The following TNKS variants were observed in gnomAD, a reference collection of about 807,000 sequenced individuals.
TNKS encodes the protein poly [ADP-ribose] polymerase tankyrase-1.
TNKS carries 72 observed loss-of-function variants against 135.8 expected under a neutral mutation model. The ratio of observed to expected loss-of-function variants is 0.53; its 90% CI spans 0.44 to 0.64. The LOEUF (loss-of-function observed/expected upper bound fraction) is 0.64, where lower values mean the gene tolerates loss of function less well. TNKS is among the 30% of genes least tolerant of loss of function. The pLI is 0.00. For missense variants in TNKS, 1,769 were observed against 1,674.0 expected (o/e 1.06, Z -0.99); for synonymous variants, 849 against 649.3 (o/e 1.31, Z -4.68).
At chr8:9,615,458 T>C in intron 2 of TNKS, 124 bp from the exon 3 acceptor site, 1 of 708,018 alleles carries the variant, frequency 1.4e-6, no homozygotes, top group Non-Finnish European at 2.1e-6. Flanking sequence ...TTTCTTTTTT[T>C]TTCTTGAAAG....
intron 3 of TNKS, among the ~76,000 whole-genome samples, chr8:9,644,963 T>C (rs1226228936): frequency 6.6e-6 from 1 of 152,204 alleles, no homozygotes; most frequent in African/African-American, 2.4e-5. Context: ...GTAAGTCTTC[T>C]GAGCATGTAA....
chr8:9,696,119 G>A (rs1803504953), intron 5 of TNKS, among the ~76,000 whole-genome samples: 1 of 152,172 alleles, frequency 6.6e-6, no homozygotes. Flanking sequence ...TAACTGGGGA[G>A]TTGTCAGTTC....
chr8:9,680,818 C>A lies in TNKS; in HGVS notation c.1107+18C>A. 1 of 1,600,926 alleles carries A rather than the reference C, an allele frequency of 6.2e-7. No homozygotes were observed. Among genetic ancestry groups the A allele is most frequent in the Non-Finnish European group, 8.6e-7 (1 of 1,169,316 alleles). On this transcript the variant is annotated intron_variant, in intron 5 of 26. Transcript: ENST00000310430. ...GGCGAAAGGTAAGTTATTTTAAATA[C>A]AATCCTCTTTAATTGCAATGCTTCA...
chr8:9,556,890 C>A, intron 1 of TNKS: 2 of 545,970 alleles, frequency 3.7e-6, no homozygotes, highest in South Asian at 5.6e-5. Context: ...GATATATTTA[C>A]ACTTTAGTTT....
intron 3 of TNKS, among the ~76,000 whole-genome samples, chr8:9,620,305 G>C (rs189596655): frequency 6.6e-6 from 1 of 152,024 alleles, no homozygotes; most frequent in Non-Finnish European, 1.5e-5. Context: ...CAGGTCTACC[G>C]TACTTTCAAA....
At chr8:9,741,621 T>TTAA (rs1805964000) in intron 17 of TNKS, 1 of 459,758 alleles carries the variant, frequency 2.2e-6, no homozygotes. Context: ...TAAAGGAAAG[T>TTAA]TAATTTATAA....
At chr8:9,594,801 A>C (rs1440983692) in intron 2 of TNKS, among the ~76,000 whole-genome samples, 2 of 152,166 alleles carry the variant, frequency 1.3e-5, no homozygotes, top group African/African-American at 4.8e-5. Context: ...TATATGTATA[A>C]ATCTTAATTG....
intron 3 of TNKS, among the ~76,000 whole-genome samples, chr8:9,661,835 A>G (rs1014643931): frequency 5.9e-5 from 9 of 152,222 alleles, no homozygotes; most frequent in African/African-American, 2.2e-4. Context: ...CAACCTACTC[A>G]TCTGACAAAG....
In TNKS at chr8:9,751,656, C is replaced by T; in HGVS notation, c.2880C>T (p.Ala960=). Residue 960 remains alanine, a synonymous_variant, in exon 19 of 27, where the codon GCC becomes GCT. Transcript: ENST00000310430. The part of the protein sequence containing the change: ...ALLIDAMPPE[A]LPTCFKPQAT... Reference sequence around the variant, plus strand: ...TGATAGATGCCATGCCCCCAGAGGCCTTACCTACCTGTTTTAAACCTCAGG... The same window carrying T: ...TGATAGATGCCATGCCCCCAGAGGCTTTACCTACCTGTTTTAAACCTCAGG... 6.2e-7 allele frequency: 1 copy of T among 1,614,188 alleles called. No homozygotes were observed. Among genetic ancestry groups the T allele is most frequent in the Non-Finnish European group, 8.5e-7 (1 of 1,180,034 alleles).
chr8:9,675,575 T>C (rs1802498072), intron 3 of TNKS, among the ~76,000 whole-genome samples: 1 of 152,240 alleles, frequency 6.6e-6, no homozygotes, highest in Non-Finnish European at 1.5e-5. Context: ...TGCAAGCTCA[T>C]CTGTAAATTT....
At chr8:9,632,221 A>G (rs951724824) in intron 3 of TNKS, among the ~76,000 whole-genome samples, 3 of 152,202 alleles carry the variant, frequency 2.0e-5, no homozygotes, top group Non-Finnish European at 2.9e-5. Context: ...CAGTTGAGCT[A>G]TTTGAATTTT....
At chr8:9,682,515 T>C (rs142079286) in intron 5 of TNKS, among the ~76,000 whole-genome samples, 3 of 152,268 alleles carry the variant, frequency 2.0e-5, no homozygotes, top group African/African-American at 7.2e-5. Context: ...CTAGAACCAA[T>C]GTATTCCTCA....
Position 9,765,745 on chromosome 8 carries a change from G to T in TNKS, c.3501G>T (p.Lys1167Asn), listed in dbSNP as rs1807403264. 2.5e-6 allele frequency: 4 copies of T among 1,614,030 alleles called. No homozygotes were observed. Among genetic ancestry groups the T allele is most frequent in the Non-Finnish European group, 3.4e-6 (4 of 1,179,936 alleles). The change falls in exon 24 of 27, where the codon AAG (lysine) becomes AAT (asparagine). Residue 1167 changes from lysine to asparagine, a missense_variant. Coordinates refer to ENST00000310430, the MANE Select transcript of TNKS (RefSeq NM_003747.3). ...GGGAGCGGTTCTGCCACCGACAGAA[G>T]GAAGTGTCTGAGGAGAATCACAACC... is the stretch of plus-strand genomic sequence containing the variant. ...KLRERFCHRQ[K>N]EVSEENHNHH...
chr8:9,679,864 C>G (rs1464285972), intron 3 of TNKS, 87 bp from the exon 4 acceptor site: 5 of 1,109,900 alleles, frequency 4.5e-6, no homozygotes, highest in African/African-American at 3.1e-5. Flanking sequence ...CTGTTCTTCT[C>G]TATTTAATTC....
At position 9,752,703 on chromosome 8, in the gene TNKS, C is replaced by T. The variant is rs1466039006; in HGVS notation, c.3153+77C>T. ...GCTGGATGCAGTGGTTCACACCTTA[C>T]TCCCAACACTTTGGAATGCTTCGGC... is the stretch of plus-strand genomic sequence containing the variant. On this transcript the variant is annotated intron_variant, in intron 20 of 26. Transcript: ENST00000310430. The T allele has an allele frequency of 1.1e-5, 11 of 973,838 alleles. No homozygotes were observed. In the South Asian group the frequency reaches 1.6e-4, roughly 14 times the overall value. The allele number at this position is 973,838 out of a possible 1,614,324, so 60.3% of individuals were successfully genotyped here.
chr8:9,702,448 A>G (rs1803849624), intron 5 of TNKS, among the ~76,000 whole-genome samples: 2 of 152,230 alleles, frequency 1.3e-5, no homozygotes, highest in Non-Finnish European at 2.9e-5. Flanking sequence ...GTACAAAGGA[A>G]CAAAGATAAG....
At chr8:9,625,415 C>CT (rs1800020948) in intron 3 of TNKS, among the ~76,000 whole-genome samples, 1 of 149,898 alleles carries the variant, frequency 6.7e-6, no homozygotes. Context: ...TTATTATTTC[C>CT]TTTTTTCTGC....
At chr8:9,665,448 C>G (rs1000107308) in intron 3 of TNKS, among the ~76,000 whole-genome samples, 2 of 152,226 alleles carry the variant, frequency 1.3e-5, no homozygotes, top group African/African-American at 4.8e-5. Context: ...CGTATTTCCA[C>G]TTCTTTTAAG....
At chr8:9,750,148 G>A (rs1208459507) in intron 18 of TNKS, among the ~76,000 whole-genome samples, 1 of 152,182 alleles carries the variant, frequency 6.6e-6, no homozygotes, top group East Asian at 1.9e-4. Context: ...TACCACCTTA[G>A]AGGTTTTTTA....
Sources: gnomAD v4.1 joint callset for allele counts (sites outside exome capture counted in the v4.1 genomes callset) on GRCh38, gnomAD v4.1.1 for gene constraint, MANE v1.5 for transcripts, NCBI Gene and HGNC (gene_info 2026-07-23, HGNC 2026-07-21) for gene names.